USP12: variants seen among roughly 807,000 people sequenced by gnomAD.
The protein encoded by USP12 is ubiquitin carboxyl-terminal hydrolase 12.
Under a neutral mutation model 45.5 loss-of-function variants are expected in USP12, and 19 were observed. The ratio of observed to expected loss-of-function variants is 0.42; its 90% CI spans 0.29 to 0.61. The LOEUF is 0.61. USP12 is among the 20% of genes least tolerant of loss of function. USP12 has a pLI of 0.22. For missense variants in USP12, 242 were observed against 447.7 expected, an observed-to-expected ratio of 0.54 and a Z score of 4.15; for synonymous variants, 149 against 148.8, an observed-to-expected ratio of 1.00 and a Z score of -0.01.
intron 1 of USP12, among the ~76,000 whole-genome samples, chr13:27,128,379 TAAG>T (rs1230658216): frequency 2.0e-5 from 3 of 152,222 alleles, no homozygotes; most frequent in Non-Finnish European, 4.4e-5. Context: ...AAACTCAGCA[TAAG>T]AACATACTTG....
intron 2 of USP12, among the ~76,000 whole-genome samples, chr13:27,106,839 AC>A (rs199932664): frequency 6.6e-6 from 1 of 151,254 alleles, no homozygotes; most frequent in African/African-American, 2.4e-5. Flanking sequence ...TTTACTTTGT[AC>A]CCCCTATCTT....
intron 1 of USP12, among the ~76,000 whole-genome samples, chr13:27,117,137 G>C (rs908708141): frequency 2.0e-5 from 3 of 152,124 alleles, no homozygotes; most frequent in African/African-American, 7.2e-5. Flanking sequence ...AAGAGTAAAG[G>C]CTTTTGATAA....
chr13:27,082,998 G>T (rs1873834958), intron 6 of USP12, among the ~76,000 whole-genome samples: 1 of 152,148 alleles, frequency 6.6e-6, no homozygotes. Context: ...ACCACGTCCA[G>T]CTAATTTTGT....
At chr13:27,096,571 T>C (rs773353272) in intron 3 of USP12, among the ~76,000 whole-genome samples, 5 of 152,180 alleles carry the variant, frequency 3.3e-5, no homozygotes, top group Non-Finnish European at 4.4e-5. Context: ...AGGCAGTATC[T>C]CATTTGATCC....
intron 1 of USP12, among the ~76,000 whole-genome samples, chr13:27,145,097 T>G (rs1231658831): frequency 6.6e-6 from 1 of 152,094 alleles, no homozygotes; most frequent in Non-Finnish European, 1.5e-5. Flanking sequence ...TGAACACAAG[T>G]CTTGGGCTCT....
At chr13:27,093,538 T>C (rs116279394) in intron 4 of USP12, among the ~76,000 whole-genome samples, 3,559 of 152,288 alleles carry the variant, frequency 0.023, 150 homozygotes, top group African/African-American at 0.082. Flanking sequence ...TCAGCAAGGA[T>C]GTGGAGAAAC....
At chr13:27,161,516 A>G (rs940066867) in intron 1 of USP12, among the ~76,000 whole-genome samples, 9 of 152,060 alleles carry the variant, frequency 5.9e-5, no homozygotes, top group African/African-American at 2.2e-4. Flanking sequence ...AATAAAGGCA[A>G]TTTACTCACT....
intron 1 of USP12, among the ~76,000 whole-genome samples, chr13:27,136,508 AATAC>A (rs374691672): frequency 1.3e-5 from 2 of 152,040 alleles, no homozygotes; most frequent in Admixed American, 6.6e-5. Context: ...CAAATAAACA[AATAC>A]ATACATACAT....
At chr13:27,084,304 G>C (rs1346849200) in intron 6 of USP12, among the ~76,000 whole-genome samples, 1 of 151,336 alleles carries the variant, frequency 6.6e-6, no homozygotes, top group Non-Finnish European at 1.5e-5. Context: ...TCAAAAGATT[G>C]AGACCATCCT....
chr13:27,115,539 T>A (rs1444064664), intron 2 of USP12, among the ~76,000 whole-genome samples: 1 of 152,164 alleles, frequency 6.6e-6, no homozygotes, highest in Admixed American at 6.6e-5. Flanking sequence ...TATCAATATA[T>A]GCATTTTAAA....
chr13:27,077,532 T>C (rs1311197803), intron 6 of USP12: 2 of 152,106 alleles, frequency 1.3e-5, no homozygotes, highest in African/African-American at 4.8e-5. Flanking sequence ...ATGAAGAATA[T>C]GAATCCTATT....
chr13:27,151,182 T>G (rs1400754689), intron 1 of USP12, among the ~76,000 whole-genome samples: 1 of 151,742 alleles, frequency 6.6e-6, no homozygotes, highest in East Asian at 1.9e-4. Context: ...TACAAAAAAA[T>G]TAGCTGGGCA....
chr13:27,074,272 T>C (rs867168090), intron 7 of USP12, among the ~76,000 whole-genome samples: 4 of 152,066 alleles, frequency 2.6e-5, no homozygotes, highest in Admixed American at 6.5e-5. Context: ...TGGTGGTGGG[T>C]GCCTGTAGTC....
intron 3 of USP12, among the ~76,000 whole-genome samples, chr13:27,101,895 C>T (rs958448628): frequency 2.6e-5 from 4 of 152,168 alleles, no homozygotes; most frequent in Non-Finnish European, 5.9e-5. Context: ...TATCTCTCCA[C>T]GGCACATGAA....
intron 3 of USP12, 37 bp downstream of exon 3, chr13:27,105,694 C>T (rs1391267428): frequency 1.0e-5 from 16 of 1,579,022 alleles, no homozygotes; most frequent in Non-Finnish European, 1.4e-5. Context: ...ATTTAACCTT[C>T]CTAGTATGTC....
chr13:27,162,701 A>G (rs1478901090), intron 1 of USP12, among the ~76,000 whole-genome samples: 3 of 152,168 alleles, frequency 2.0e-5, no homozygotes. Context: ...ATTGAGCAAT[A>G]TTTTGTTTTT....
rs9507851 is a variant in USP12, at chr13:27,171,750, G to C, written c.-111C>G. 6.0e-3 allele frequency: 3,690 copies of C among 615,012 alleles called. 27 individuals are homozygous for C. The highest frequency in any genetic ancestry group is 0.026 in the South Asian group (402 of 15,236). The allele number at this position is 615,012 out of a possible 1,614,324, so 38.1% of individuals were successfully genotyped here. Reference sequence around the variant, plus strand: ...CCGCGGGCGGACCCCGAGCCGCCGCGGACCCAACCACCGAGCCCGCTGGGC... The same window carrying C: ...CCGCGGGCGGACCCCGAGCCGCCGCCGACCCAACCACCGAGCCCGCTGGGC... On this transcript the variant is annotated 5_prime_UTR_variant, in exon 1 of 9. Coordinates refer to ENST00000282344, the MANE Select transcript of USP12 (RefSeq NM_182488.4).
chr13:27,165,743 G>C (rs1278926208), intron 1 of USP12, among the ~76,000 whole-genome samples: 1 of 152,054 alleles, frequency 6.6e-6, no homozygotes, highest in Non-Finnish European at 1.5e-5. Flanking sequence ...TTAGGCTGTT[G>C]GTGACGAAAA....
intron 1 of USP12, among the ~76,000 whole-genome samples, chr13:27,153,580 C>G (rs933910937): frequency 6.6e-6 from 1 of 152,130 alleles, no homozygotes; most frequent in African/African-American, 2.4e-5. Context: ...AGTTACAGAT[C>G]CTTTTAGTAC....
Sources: gnomAD v4.1 joint callset for allele counts (sites outside exome capture counted in the v4.1 genomes callset) on GRCh38, gnomAD v4.1.1 for gene constraint, MANE v1.5 for transcripts, NCBI Gene and HGNC (gene_info 2026-07-23, HGNC 2026-07-21) for gene names.